The following HIVEP3 variants were observed in gnomAD, a reference collection of about 807,000 sequenced individuals.
HIVEP3 encodes the protein transcription factor HIVEP3.
HIVEP3 carries 49 observed loss-of-function variants against 152.8 expected under a neutral mutation model. That is an observed-to-expected ratio of 0.32 (90% CI 0.26 to 0.41). The LOEUF (loss-of-function observed/expected upper bound fraction) is 0.41, where lower values mean the gene tolerates loss of function less well. Ranked by LOEUF, HIVEP3 falls within the 10% of genes least tolerant of loss-of-function variation. The pLI, the probability that HIVEP3 is intolerant of heterozygous loss-of-function variation, is 1.00. For missense variants in HIVEP3, 2,790 were observed against 3,103.3 expected (o/e 0.90, Z 2.40); for synonymous variants, 1,269 against 1,289.0 (o/e 0.98, Z 0.33).
intron 2 of HIVEP3, among the ~76,000 whole-genome samples, chr1:41,657,437 T>C (rs1558154355): frequency 6.6e-6 from 1 of 152,226 alleles, no homozygotes; most frequent in Non-Finnish European, 1.5e-5. Flanking sequence ...GAGCTGGTAA[T>C]TCTTTCACCC....
At chr1:41,893,731 T>C (rs1644484147) in intron 1 of HIVEP3, among the ~76,000 whole-genome samples, 1 of 148,948 alleles carries the variant, frequency 6.7e-6, no homozygotes, top group African/African-American at 2.4e-5. Flanking sequence ...TGTGTGTATA[T>C]AGATATACAT....
At chr1:41,845,685 C>A (rs1016744291) in intron 1 of HIVEP3, among the ~76,000 whole-genome samples, 11 of 152,118 alleles carry the variant, frequency 7.2e-5, no homozygotes, top group African/African-American at 2.7e-4. Context: ...GATGGCTGGG[C>A]ATGTAAACTT....
chr1:41,868,796 C>T (rs1380204341), intron 1 of HIVEP3, among the ~76,000 whole-genome samples: 1 of 152,180 alleles, frequency 6.6e-6, no homozygotes, highest in East Asian at 1.9e-4. Context: ...GTACACTAGG[C>T]CTTAGCTTTA....
intron 1 of HIVEP3, among the ~76,000 whole-genome samples, chr1:41,941,803 G>T (rs12060777): frequency 6.6e-6 from 1 of 152,078 alleles, no homozygotes; most frequent in South Asian, 2.1e-4. Context: ...AGAAAACACC[G>T]TTTCTAAGCC....
At chr1:41,677,299 G>T (rs1645972127) in intron 2 of HIVEP3, among the ~76,000 whole-genome samples, 1 of 152,184 alleles carries the variant, frequency 6.6e-6, no homozygotes, top group South Asian at 2.1e-4. Flanking sequence ...GTATAATCCG[G>T]TCTAATCCTC....
chr1:41,618,923 T>C (rs1252460780), intron 3 of HIVEP3, among the ~76,000 whole-genome samples: 2 of 152,224 alleles, frequency 1.3e-5, no homozygotes, highest in African/African-American at 2.4e-5. Flanking sequence ...CCCCTTCCCA[T>C]GGCCCCCGCA....
chr1:41,575,828 G>A (rs1644320100), intron 4 of HIVEP3, 139 bp from the exon 5 acceptor site: 2 of 907,706 alleles, frequency 2.2e-6, no homozygotes, highest in South Asian at 1.8e-5. Context: ...ATGAAGAGGT[G>A]CTATTAGCTC....
At chr1:41,871,407 TA>T (rs5773753) in intron 1 of HIVEP3, among the ~76,000 whole-genome samples, 114,671 of 148,018 alleles carry the variant, frequency 0.77, 44,400 homozygotes, top group East Asian at 0.96. Flanking sequence ...CATTTAAAGC[TA>T]AAAAAAAAAA....
At chr1:41,858,617 G>T (rs546890024) in intron 1 of HIVEP3, among the ~76,000 whole-genome samples, 11 of 152,328 alleles carry the variant, frequency 7.2e-5, no homozygotes, top group Admixed American at 2.6e-4. Context: ...TATGCTAGGT[G>T]CTGGGGATAG....
chr1:41,513,822 C>A, intron 7 of HIVEP3, 72 bp from the exon 8 acceptor site: 1 of 1,284,090 alleles, frequency 7.8e-7, no homozygotes, highest in Non-Finnish European at 1.0e-6. Context: ...CTGCTCCTCT[C>A]TGAGCCCCAG....
At chr1:41,595,015 G>A (rs760223920) in intron 3 of HIVEP3, among the ~76,000 whole-genome samples, 1 of 152,094 alleles carries the variant, frequency 6.6e-6, no homozygotes, top group Non-Finnish European at 1.5e-5. Flanking sequence ...AAATGTCTGT[G>A]GTGTCTGATA....
chr1:41,513,513 G>A lies in HIVEP3; in HGVS notation c.5708C>T (p.Pro1903Leu), dbSNP rs527278441. ...CTCCGTGCCAGAGGCGGGGGCATCT[G>A]GGGGCTGAGGGCCCAGGATGGGTGA... is the stretch of plus-strand genomic sequence containing the variant. Reference protein sequence around the residue: ...DSSPILGPQPPDAPASGTEAT... With the variant: ...DSSPILGPQPLDAPASGTEAT... Residue 1903 changes from proline to leucine, a missense_variant, in exon 8 of 9, where the codon CCA becomes CTA. Transcript: ENST00000372583. 7.9e-4 allele frequency: 1,259 copies of A among 1,603,800 alleles called. 21 individuals are homozygous for A. In the South Asian group the frequency reaches 0.013, roughly 16 times the overall value.
At chr1:41,545,378 T>TACCACCACCACCACCACCATC in intron 5 of HIVEP3, among the ~76,000 whole-genome samples, 2 of 72,898 alleles carry the variant, frequency 2.7e-5, no homozygotes, top group South Asian at 1.2e-3. Flanking sequence ...CCACCACCAC[T>TACCACCACCACCACCACCATC]ACCACCACCA....
At chr1:41,846,286 G>C (rs1643441941) in intron 1 of HIVEP3, among the ~76,000 whole-genome samples, 3 of 152,090 alleles carry the variant, frequency 2.0e-5, no homozygotes. Flanking sequence ...TGAAATATTT[G>C]AAAAAGTTTC....
intron 5 of HIVEP3, among the ~76,000 whole-genome samples, chr1:41,550,949 G>A (rs1434240861): frequency 6.6e-6 from 1 of 152,192 alleles, no homozygotes; most frequent in Non-Finnish European, 1.5e-5. Flanking sequence ...TCCCTGTCTT[G>A]TGCCAGTTTT....
chr1:41,615,745 T>G (rs2149136313), intron 3 of HIVEP3, among the ~76,000 whole-genome samples: 1 of 146,750 alleles, frequency 6.8e-6, no homozygotes, highest in African/African-American at 2.5e-5. Context: ...TGACGGTCAC[T>G]CCTGGGAGCA....
At chr1:41,601,620 G>T (rs1369320926) in intron 3 of HIVEP3, among the ~76,000 whole-genome samples, 1 of 152,068 alleles carries the variant, frequency 6.6e-6, no homozygotes, top group Non-Finnish European at 1.5e-5. Context: ...TACTAAATTT[G>T]TTAATTAGTT....
chr1:41,858,406 G>A (rs998070834), intron 1 of HIVEP3, among the ~76,000 whole-genome samples: 3 of 152,196 alleles, frequency 2.0e-5, no homozygotes, highest in African/African-American at 7.2e-5. Flanking sequence ...AAAAGGATGA[G>A]ATGTGTGTGG....
At chr1:41,707,594 CCAA>C (rs1456394543) in intron 1 of HIVEP3, among the ~76,000 whole-genome samples, 1 of 152,068 alleles carries the variant, frequency 6.6e-6, no homozygotes, top group Non-Finnish European at 1.5e-5. Context: ...CATTTTCATT[CCAA>C]GAGGGAAGAA....
Sources: allele counts gnomAD v4.1 joint callset (sites outside exome capture counted in the v4.1 genomes callset), GRCh38; gene constraint gnomAD v4.1.1; transcripts MANE v1.5; gene names NCBI Gene and HGNC (gene_info 2026-07-23, HGNC 2026-07-21).